RUSC1: variants seen among roughly 807,000 people sequenced by gnomAD.
RUSC1 encodes the protein RUN and SH3 domain containing 1, also known as AP-4 complex accessory subunit RUSC1.
In RUSC1, 40 loss-of-function variants were observed where a neutral mutation model predicts 72.1. That is an observed-to-expected ratio of 0.55 (90% confidence interval 0.43 to 0.72). The LOEUF (loss-of-function observed/expected upper bound fraction) is 0.72. Among genes scored for constraint, RUSC1 ranks in the 30% least tolerant of loss-of-function variants. The pLI is 0.00. For missense variants in RUSC1, 1,092 were observed against 1,172.3 expected, an observed-to-expected ratio of 0.93 and a Z score of 1.00; for synonymous variants, 512 against 494.2, an observed-to-expected ratio of 1.04 and a Z score of -0.48.
chr1:155,321,831 G>A lies in RUSC1; in HGVS notation c.58G>A (p.Val20Ile), dbSNP rs747878710. Residue 20 changes from valine to isoleucine, a missense_variant, in exon 2 of 10, where the codon GTC (valine) becomes ATC (isoleucine). Physicochemically the swap from Val to Ile is conservative, Grantham distance 29. Transcript: ENST00000368352. ...CNLNHIHLQH[V>I]SLGLHLSRRP... Reference sequence around the variant, plus strand: ...CCTCAACCACATCCACCTCCAGCACGTCTCCCTGGGCCTGCACTTGTCCCG... The same window carrying A: ...CCTCAACCACATCCACCTCCAGCACATCTCCCTGGGCCTGCACTTGTCCCG... 1.9e-6 allele frequency: 3 copies of A among 1,613,878 alleles called. No individual in the cohort carries two copies. Among genetic ancestry groups the A allele is most frequent in the Non-Finnish European group, 2.5e-6 (3 of 1,180,006 alleles).
In RUSC1 at chr1:155,327,283, GGTTAT is replaced by G. The variant is rs200410943; in HGVS notation, c.2414+156_2414+160del. 1,481 of 824,846 alleles carry G rather than the reference GGTTAT, an allele frequency of 1.8e-3. 17 individuals carry two copies. In the African/African-American group the frequency reaches 0.022, roughly 12 times the overall value. The allele number at this position is 824,846 out of a possible 1,614,324, so 51.1% of individuals were successfully genotyped here. A position where few individuals can be genotyped will look rare whatever the true frequency, so the allele number is the denominator to read the frequency against. On this transcript the variant is annotated intron_variant, in intron 8 of 9. Coordinates refer to ENST00000368352, the MANE Select transcript of RUSC1 (RefSeq NM_001105203.2). ...GAGCTAAAAATGGTTACATTTTAAT[GGTTAT>G]GTTAAGTGCCTACATAATGATCTCA... is the stretch of plus-strand genomic sequence containing the variant.
chr1:155,326,577 C>T lies in RUSC1; in HGVS notation c.1862-3C>T, dbSNP rs1651430458. 1.2e-6 allele frequency: 2 copies of T among 1,601,926 alleles called. No homozygotes were observed. Among genetic ancestry groups the T allele is most frequent in the Non-Finnish European group, 8.5e-7 (1 of 1,172,442 alleles). On this transcript the variant is annotated splice_polypyrimidine_tract_variant and splice_region_variant and intron_variant, in intron 7 of 9. Coordinates refer to ENST00000368352, the MANE Select transcript of RUSC1 (RefSeq NM_001105203.2). The surrounding 1 kb of genome is among the most constrained non-coding windows in gnomAD (Gnocchi z 4.7). Reference sequence around the variant, plus strand: ...GAGCTGATGTTGGCCTGCTCTTTTCCAGGCCTGCTCTCCCTCCTGTACCTG... The same window carrying T: ...GAGCTGATGTTGGCCTGCTCTTTTCTAGGCCTGCTCTCCCTCCTGTACCTG...
chr1:155,324,691 C>T, intron 2 of RUSC1, 154 bp from the exon 3 acceptor site: 1 of 1,550,538 alleles, frequency 6.4e-7, no homozygotes. Context: ...TCGGGTCGAG[C>T]TACCCCGTGC....
intron 1 of RUSC1, chr1:155,321,414 C>T (rs369544271): frequency 4.1e-5 from 57 of 1,398,094 alleles, no homozygotes; most frequent in Non-Finnish European, 5.0e-5. Flanking sequence ...ATTCTGGGCC[C>T]GGACCTCTTC....
At chr1:155,324,322 C>T in intron 2 of RUSC1, 1 of 1,583,646 alleles carries the variant, frequency 6.3e-7, no homozygotes, top group Non-Finnish European at 8.6e-7. Flanking sequence ...CTGCGGGACC[C>T]GGGTTTCCCC....
chr1:155,328,194 T>C lies in RUSC1; in HGVS notation c.2459T>C (p.Leu820Pro). 2 of 1,613,600 alleles carry C rather than the reference T, an allele frequency of 1.2e-6. No homozygotes were observed. The highest frequency in any genetic ancestry group is 1.7e-6 in the Non-Finnish European group (2 of 1,179,792). The change falls in exon 9 of 10, where the codon CTT becomes CCT. Residue 820 changes from leucine (L) to proline (P), a missense_variant. Coordinates refer to ENST00000368352, the MANE Select transcript of RUSC1 (RefSeq NM_001105203.2). ...WLPPTVSVLA[L>P]VKRGAPPEMP... ...CCCCCGACAGTGAGTGTGTTGGCTC[T>C]TGTGAAGCGGGGGGCACCTCCCGAG...
intron 9 of RUSC1, 129 bp from the exon 10 acceptor site, chr1:155,330,274 C>A: frequency 1.1e-6 from 1 of 894,772 alleles, no homozygotes; most frequent in South Asian, 1.7e-5. Flanking sequence ...GAATGGTTCT[C>A]AAGTCCTTCC....
rs1026832280 is a variant in RUSC1, at chr1:155,330,503, T to G, written c.2641T>G (p.Trp881Gly). ...LRVITTVDED[W>G]LRCGRDGMEG... Reference sequence around the variant, plus strand: ...TGTCATCACCACAGTGGATGAGGACTGGCTCCGCTGTGGGCGGGATGGCAT... The same window carrying G: ...TGTCATCACCACAGTGGATGAGGACGGGCTCCGCTGTGGGCGGGATGGCAT... Residue 881 changes from tryptophan (W) to glycine (G), a missense_variant, in exon 10 of 10, where the codon TGG becomes GGG. Physicochemically the swap from Trp to Gly is radical, Grantham distance 184 (BLOSUM62 -2). Coordinates refer to ENST00000368352, the MANE Select transcript of RUSC1 (RefSeq NM_001105203.2). 1.9e-6 allele frequency: 3 copies of G among 1,614,010 alleles called. No homozygotes were observed. The highest frequency in any genetic ancestry group is 2.5e-6 in the Non-Finnish European group (3 of 1,179,952).
Position 155,327,054 on chromosome 1 carries a change from G to C in RUSC1, c.2336G>C (p.Gly779Ala). The change falls in exon 8 of 10, where the codon GGC becomes GCC. Residue 779 changes from glycine to alanine, a missense_variant. Physicochemically the swap from Gly to Ala is moderately conservative, Grantham distance 60. Transcript: ENST00000368352. ...CTGCCCACAGATGAGATGGCACCAG[G>C]CAGGGGCCTCTGGTTGGGAAGACTA... ...RPLPTDEMAP[G>A]RGLWLGRLFG... 6.2e-7 allele frequency: 1 copy of C among 1,613,410 alleles called. No individual in the cohort carries two copies. The highest frequency in any genetic ancestry group is 1.1e-5 in the South Asian group (1 of 91,084).
At position 155,321,464 on chromosome 1, in the gene RUSC1, C is replaced by A. The variant is rs369281617; in HGVS notation, c.-86-224C>A. 3.0e-5 allele frequency: 43 copies of A among 1,454,320 alleles called. No individual in the cohort carries two copies. The African/African-American group carries it at 4.4e-4, about 15-fold the overall frequency. 90.1% of individuals were successfully genotyped at this position (1,454,320 alleles called of 1,614,324 possible). A position where few individuals can be genotyped will look rare whatever the true frequency, so the allele number is the denominator to read the frequency against. On this transcript the variant is annotated intron_variant, in intron 1 of 9. Coordinates refer to ENST00000368352, the MANE Select transcript of RUSC1 (RefSeq NM_001105203.2). ...CCTTCGGAGATCCAGAGCGCAGCCG[C>A]GTTCTCTGACCCTCCCGGCTCCATT...
At chr1:155,329,953 G>GAAAAAA (rs1025418792) in intron 9 of RUSC1, among the ~76,000 whole-genome samples, 2 of 45,970 alleles carry the variant, frequency 4.4e-5, no homozygotes, top group South Asian at 8.4e-4. Flanking sequence ...TCTGTCTCAA[G>GAAAAAA]AAAAAAAAAA....
At chr1:155,327,481 A>G (rs1040198855) in intron 8 of RUSC1, among the ~76,000 whole-genome samples, 2 of 152,210 alleles carry the variant, frequency 1.3e-5, no homozygotes, top group Non-Finnish European at 2.9e-5. Flanking sequence ...CTGAGAATAC[A>G]GTATTTTTTG....
At position 155,322,489 on chromosome 1, in the gene RUSC1, CAG is replaced by C; in HGVS notation, c.720_721del (p.Lys241AsnfsTer2). 6.2e-7 allele frequency: 1 copy of C among 1,613,324 alleles called. No homozygotes were observed. Among genetic ancestry groups the C allele is most frequent in the Non-Finnish European group, 8.5e-7 (1 of 1,179,518 alleles). ...ATTAACCCAATTTGGAAAATTGACA[CAG>C]AGAAAACTAAAGCTGAATGGAAAAC... On this transcript the variant is annotated frameshift_variant, in exon 2 of 10. Coordinates refer to ENST00000368352, the MANE Select transcript of RUSC1 (RefSeq NM_001105203.2). LOFTEE classifies it high-confidence loss of function.
At position 155,326,416 on chromosome 1, in the gene RUSC1, G is replaced by T; in HGVS notation, c.1862-164G>T. 1 of 679,728 alleles carries T rather than the reference G, an allele frequency of 1.5e-6. No homozygotes were observed. The allele number at this position is 679,728 out of a possible 1,614,324, so 42.1% of individuals were successfully genotyped here. A position where few individuals can be genotyped will look rare whatever the true frequency, so the allele number is the denominator to read the frequency against. The stretch of plus-strand genomic sequence containing the variant: ...TCCTATTTGGGCTAGGTTCCATGCA[G>T]GCGGGGATGTCAGTCCTATAGCCCA... On this transcript the variant is annotated intron_variant, in intron 7 of 9. Transcript: ENST00000368352. The surrounding 1 kb of genome is among the most constrained non-coding windows in gnomAD (Gnocchi z 4.7).
At position 155,324,158 on chromosome 1, in the gene RUSC1, G is replaced by C. The variant is rs557439342; in HGVS notation, c.1358-687G>C. The C allele has an allele frequency of 1.2e-5, 16 of 1,353,330 alleles. No individual in the cohort carries two copies. In the African/African-American group the frequency reaches 2.1e-4, roughly 18 times the overall value. The allele number at this position is 1,353,330 out of a possible 1,614,324, so 83.8% of individuals were successfully genotyped here. ...GGTCACACCCTCTGTGGAATTCCTT[G>C]GCCTGTGCAGCTCGGGCCTGCCCCC... On this transcript the variant is annotated intron_variant, in intron 2 of 9. Coordinates refer to ENST00000368352, the MANE Select transcript of RUSC1 (RefSeq NM_001105203.2).
At chr1:155,324,679 G>A (rs1482314113) in intron 2 of RUSC1, 166 bp from the exon 3 acceptor site, 3 of 1,539,114 alleles carry the variant, frequency 1.9e-6, no homozygotes, top group Middle Eastern at 2.4e-4. Context: ...TCACTCCGGG[G>A]CTCGGGTCGA....
Position 155,325,336 on chromosome 1 carries a change from G to C in RUSC1, c.1554G>C (p.Arg518=). 6.2e-7 allele frequency: 1 copy of C among 1,600,482 alleles called. No individual in the cohort carries two copies. The highest frequency in any genetic ancestry group is 1.1e-5 in the South Asian group (1 of 90,486). Residue 518 remains arginine, a synonymous_variant, in exon 5 of 10, where the codon CGG becomes CGC. Transcript: ENST00000368352. This position sits in a 1 kb window ranked among gnomAD's most constrained non-coding sequence, Gnocchi z 6.5. ...LVQKAQLGDS[R]LSPDVGHLVL... ...TCCAGGCCCAGTTGGGTGATAGCCG[G>C]CTGAGCCCGGATGTGGGGCACCTGG...
Position 155,322,009 on chromosome 1 carries a change from C to T in RUSC1, c.236C>T (p.Pro79Leu). The T allele has an allele frequency of 3.1e-6, 5 of 1,606,616 alleles. No individual in the cohort carries two copies. Among genetic ancestry groups the T allele is most frequent in the South Asian group, 1.1e-5 (1 of 89,866 alleles). ...VPCRCCQEHG[P>L]GLENRQDPSQ... ...TGCCGGTGCTGCCAGGAGCACGGTC[C>T]GGGCCTAGAAAACCGGCAGGACCCG... Residue 79 changes from proline (P) to leucine (L), a missense_variant, in exon 2 of 10, where the codon CCG becomes CTG. Physicochemically the swap from Pro to Leu is moderately conservative, Grantham distance 98. Transcript: ENST00000368352.
chr1:155,330,354 G>C (rs376685638), intron 9 of RUSC1, 49 bp from the exon 10 acceptor site: 13 of 1,604,878 alleles, frequency 8.1e-6, no homozygotes, highest in Non-Finnish European at 1.1e-5. Context: ...GGGACGGCTG[G>C]GCAGCCCCAC....
Sources: allele counts gnomAD v4.1 joint callset (sites outside exome capture counted in the v4.1 genomes callset), GRCh38; gene constraint gnomAD v4.1.1; non-coding constraint Gnocchi (gnomAD v3.1); transcripts MANE v1.5; gene names NCBI Gene and HGNC (gene_info 2026-07-23, HGNC 2026-07-21).